The following CUL2 variants were observed in gnomAD, a reference collection of about 807,000 sequenced individuals.
The protein encoded by CUL2 is cullin-2.
CUL2 carries 22 observed loss-of-function variants against 110.2 expected under a neutral mutation model. That is an observed-to-expected ratio of 0.20 (90% CI 0.14 to 0.28). CUL2 has a LOEUF of 0.28. Ranked by LOEUF, CUL2 falls within the 10% of genes least tolerant of loss-of-function variation. The pLI is 1.00. For synonymous variants in CUL2, 279 were observed against 293.2 expected, an observed-to-expected ratio of 0.95 and a Z score of 0.49; for missense variants, 631 against 905.5, an observed-to-expected ratio of 0.70 and a Z score of 3.89.
intron 17 of CUL2, among the ~76,000 whole-genome samples, chr10:35,020,197 A>G (rs541235026): frequency 2.6e-5 from 4 of 152,342 alleles, no homozygotes; most frequent in Admixed American, 2.0e-4. Context: ...ACAAATAAGT[A>G]ATCCAAAGTA....
chr10:35,064,354 C>T (rs1368410454), intron 2 of CUL2, among the ~76,000 whole-genome samples: 1 of 152,148 alleles, frequency 6.6e-6, no homozygotes, highest in East Asian at 1.9e-4. Flanking sequence ...AAAATGTTAA[C>T]TTAAAAATAA....
At chr10:35,084,955 TAA>T (rs1292702677) in intron 1 of CUL2, among the ~76,000 whole-genome samples, 3 of 150,824 alleles carry the variant, frequency 2.0e-5, no homozygotes, top group Non-Finnish European at 4.4e-5. Flanking sequence ...CCGTCTCTAC[TAA>T]AAATACAAAA....
chr10:35,116,714 C>T (rs2087608167), intron 1 of CUL2, among the ~76,000 whole-genome samples: 1 of 152,158 alleles, frequency 6.6e-6, no homozygotes, highest in Non-Finnish European at 1.5e-5. Flanking sequence ...AGCCTGTAAT[C>T]CCAGCATTTT....
In CUL2 at chr10:35,039,039, T is replaced by A; in HGVS notation, c.758A>T (p.Tyr253Phe). ...CTTAGTATATGAACTTGGATGTAGGTATTTTCGACATCGAATTTCTTCATC... is the reference window on the plus strand; with the variant it reads ...CTTAGTATATGAACTTGGATGTAGGAATTTTCGACATCGAATTTCTTCATC... Reference protein sequence around the residue: ...LKDEEIRCRKYLHPSSYTKVI... With the variant: ...LKDEEIRCRKFLHPSSYTKVI... The change falls in exon 9 of 21, where the codon TAC (tyrosine) becomes TTC (phenylalanine). Residue 253 changes from tyrosine (Y) to phenylalanine (F), a missense_variant. Physicochemically the swap from Tyr to Phe is conservative, Grantham distance 22 (BLOSUM62 3). Coordinates refer to ENST00000374749, the MANE Select transcript of CUL2 (RefSeq NM_003591.4). 1 of 1,606,294 alleles carries A rather than the reference T, an allele frequency of 6.2e-7. No individual in the cohort carries two copies. Among genetic ancestry groups the A allele is most frequent in the Non-Finnish European group, 8.5e-7 (1 of 1,175,392 alleles).
At chr10:35,079,466 G>A (rs774381411) in intron 1 of CUL2, 15 of 152,576 alleles carry the variant, frequency 9.8e-5, no homozygotes, top group Admixed American at 2.0e-4. Context: ...AATGCTTTCT[G>A]GCACAGTATG....
intron 17 of CUL2, among the ~76,000 whole-genome samples, chr10:35,021,623 T>C (rs1342173268): frequency 2.6e-5 from 4 of 151,680 alleles, no homozygotes; most frequent in African/African-American, 9.7e-5. Context: ...CTTTCATTTA[T>C]TATTTTTTAT....
In CUL2 at chr10:35,044,875, C is replaced by T. The variant is rs762821752; in HGVS notation, c.507-7G>A. 3 of 1,590,628 alleles carry T rather than the reference C, an allele frequency of 1.9e-6. No individual in the cohort carries two copies. The highest frequency in any genetic ancestry group is 4.5e-5 in the East Asian group (2 of 44,636). ...GTCTTCTCCACCACGATCACTAAAA[C>T]AAGGTATAACACAAAATATTCTTGA... On this transcript the variant is annotated splice_polypyrimidine_tract_variant and splice_region_variant and intron_variant, in intron 6 of 20. Transcript: ENST00000374749.
intron 2 of CUL2, among the ~76,000 whole-genome samples, chr10:35,097,568 T>G (rs933947753): frequency 6.6e-6 from 1 of 151,658 alleles, no homozygotes. Flanking sequence ...AAGCCCAGTA[T>G]TAACAATGTA....
chr10:35,044,427 C>A, intron 8 of CUL2, 139 bp downstream of exon 8: 2 of 542,102 alleles, frequency 3.7e-6, no homozygotes, highest in Non-Finnish European at 3.2e-6. Context: ...AACTGTAACT[C>A]AGAGTTAATG....
intron 1 of CUL2, among the ~76,000 whole-genome samples, chr10:35,109,342 TTACA>T (rs1368157664): frequency 6.6e-6 from 1 of 152,236 alleles, no homozygotes; most frequent in Non-Finnish European, 1.5e-5. Flanking sequence ...CCTTGATTGA[TTACA>T]TCATTATTTC....
Position 35,032,470 on chromosome 10 carries a change from T to G in CUL2, c.1135A>C (p.Arg379=). The part of the protein sequence containing the change: ...DKALTSVVNY[R]EPKSVCKAPE... ...GCTTTGCAAACAGACTTAGGTTCTC[T>G]GTAATTTACAACTGACGTAAGGGCC... The change falls in exon 12 of 21, where the codon AGA becomes CGA. Residue 379 remains arginine, a synonymous_variant. Coordinates refer to ENST00000374749, the MANE Select transcript of CUL2 (RefSeq NM_003591.4). 1.3e-6 allele frequency: 2 copies of G among 1,591,418 alleles called. No homozygotes were observed. The highest frequency in any genetic ancestry group is 2.3e-5 in the South Asian group (2 of 86,706).
At chr10:35,088,705 A>G (rs1398111850) in intron 1 of CUL2, among the ~76,000 whole-genome samples, 2 of 152,116 alleles carry the variant, frequency 1.3e-5, no homozygotes, top group African/African-American at 4.8e-5. Context: ...TAATCTTCAC[A>G]TTTATAGAAC....
intron 18 of CUL2, among the ~76,000 whole-genome samples, chr10:35,014,718 AGCTACTT>A (rs2134626351): frequency 6.6e-6 from 1 of 152,206 alleles, no homozygotes; most frequent in African/African-American, 2.4e-5. Context: ...CTGTGGTCCC[AGCTACTT>A]GGAAGGCTGA....
At chr10:35,019,065 T>A (rs2085120348) in intron 17 of CUL2, among the ~76,000 whole-genome samples, 1 of 152,220 alleles carries the variant, frequency 6.6e-6, no homozygotes, top group South Asian at 2.1e-4. Flanking sequence ...AAAAGGACTC[T>A]TATCAACATT....
At chr10:35,092,824 G>A (rs2087232207), upstream of CUL2, among the ~76,000 whole-genome samples, 1 of 152,134 alleles carries the variant, frequency 6.6e-6, no homozygotes, top group Non-Finnish European at 1.5e-5. Context: ...ACCTTTGGAA[G>A]ACTAATGAAA....
At chr10:35,064,886 T>C (rs989831459) in intron 2 of CUL2, among the ~76,000 whole-genome samples, 1 of 152,158 alleles carries the variant, frequency 6.6e-6, no homozygotes, top group Non-Finnish European at 1.5e-5. Flanking sequence ...GAAGGATTTG[T>C]GCCAAATCTC....
intron 1 of CUL2, among the ~76,000 whole-genome samples, chr10:35,082,694 T>C (rs2086972242): frequency 6.6e-6 from 1 of 152,214 alleles, no homozygotes. Context: ...ATCAAAATAA[T>C]ACTTGGTACT....
intron 2 of CUL2, 121 bp downstream of exon 2, chr10:35,071,076 TAG>T (rs2134987098): frequency 1.1e-6 from 1 of 895,966 alleles, no homozygotes; most frequent in East Asian, 2.5e-5. Context: ...CTTGGAAATG[TAG>T]ATGATAATAT....
chr10:35,054,665 A>G, intron 4 of CUL2, 126 bp from the exon 5 acceptor site: 1 of 517,582 alleles, frequency 1.9e-6, no homozygotes, highest in Non-Finnish European at 3.4e-6. Flanking sequence ...TAACAAATCC[A>G]AAAGAAATGA....
Sources: gnomAD v4.1 joint callset for allele counts (sites outside exome capture counted in the v4.1 genomes callset) on GRCh38, gnomAD v4.1.1 for gene constraint, MANE v1.5 for transcripts, NCBI Gene and HGNC (gene_info 2026-07-23, HGNC 2026-07-21) for gene names.